Variants in CDK5RAP1 observed in about 807,000 individuals in gnomAD.
CDK5RAP1 encodes the protein mitochondrial tRNA methylthiotransferase CDK5RAP1.
CDK5RAP1 carries 62 observed loss-of-function variants against 64.5 expected under a neutral mutation model. The ratio of observed to expected loss-of-function variants is 0.96; its 90% CI spans 0.78 to 1.19. The LOEUF (loss-of-function observed/expected upper bound fraction) is 1.19. Ranked by LOEUF, CDK5RAP1 falls within the 50% of genes most tolerant of loss-of-function variation. The pLI, the probability that CDK5RAP1 is intolerant of heterozygous loss-of-function variation, is 0.00. For missense variants in CDK5RAP1, 657 were observed against 735.0 expected (o/e 0.89, Z 1.23); for synonymous variants, 250 against 261.9 (o/e 0.95, Z 0.44).
rs200366840 is a variant in CDK5RAP1, at chr20:33,397,059, G to A, written c.6C>T (p.His2=). 1.9e-6 allele frequency: 3 copies of A among 1,604,408 alleles called. No homozygotes were observed. The highest frequency in any genetic ancestry group is 2.6e-6 in the Non-Finnish European group (3 of 1,175,148). M[H]PLQCVLQVQR... ...GCACTTGGAGGACACACTGTAAAGGGTGCATGGCACTAAACAGCCCACAGT... is the reference window on the plus strand; with the variant it reads ...GCACTTGGAGGACACACTGTAAAGGATGCATGGCACTAAACAGCCCACAGT... Residue 2 remains histidine (H), a synonymous_variant, in exon 2 of 14, where the codon CAC becomes CAT. Coordinates refer to ENST00000346416, the MANE Select transcript of CDK5RAP1 (RefSeq NM_016408.4).
intron 12 of CDK5RAP1, among the ~76,000 whole-genome samples, chr20:33,362,741 T>C (rs917575807): frequency 2.0e-5 from 3 of 152,152 alleles, no homozygotes; most frequent in African/African-American, 7.2e-5. Context: ...TCTTACATTA[T>C]ATACACTGAG....
At chr20:33,369,161 G>C (rs953681238) in intron 11 of CDK5RAP1, among the ~76,000 whole-genome samples, 1 of 151,650 alleles carries the variant, frequency 6.6e-6, no homozygotes, top group African/African-American at 2.4e-5. Flanking sequence ...AATTTCTCTG[G>C]CATATTTGTG....
rs372106598 is a variant in CDK5RAP1 at position 33,394,998 on chromosome 20, A to G, written c.408+15T>C. The stretch of plus-strand genomic sequence containing the variant: ...CCCAGGTCCAGGAAACAAAGGAAAT[A>G]GGAAATGCATGTACCTCTTGGAGGT... On this transcript the variant is annotated intron_variant, in intron 3 of 13. Coordinates refer to ENST00000346416, the MANE Select transcript of CDK5RAP1 (RefSeq NM_016408.4). 192 of 1,459,010 alleles carry G rather than the reference A, an allele frequency of 1.3e-4. No homozygotes were observed. The highest frequency in any genetic ancestry group is 1.7e-4 in the Non-Finnish European group (178 of 1,038,286). 90.4% of individuals were successfully genotyped at this position (1,459,010 alleles called of 1,614,324 possible).
At chr20:33,377,475 T>C (rs1986155011) in intron 8 of CDK5RAP1, among the ~76,000 whole-genome samples, 1 of 152,200 alleles carries the variant, frequency 6.6e-6, no homozygotes, top group East Asian at 1.9e-4. Flanking sequence ...CTTCAAACTT[T>C]TCTTCTTCAG....
In CDK5RAP1 at chr20:33,360,416, T is replaced by A; in HGVS notation, c.1618A>T (p.Met540Leu). The change falls in exon 13 of 14, where the codon ATG becomes TTG. Residue 540 changes from methionine (M) to leucine (L), a missense_variant. Transcript: ENST00000346416. ...NLKVIFPDAE[M>L]EDVNNPGLRV... ...AGCCCAGGGTTATTGACATCCTCCA[T>A]CTCTGCATCAGGGAAGATCACCTTA... 2 of 1,613,936 alleles carry A rather than the reference T, an allele frequency of 1.2e-6. No homozygotes were observed. The highest frequency in any genetic ancestry group is 1.7e-6 in the Non-Finnish European group (2 of 1,179,870).
intron 4 of CDK5RAP1, among the ~76,000 whole-genome samples, chr20:33,393,145 T>C (rs1988512829): frequency 6.6e-6 from 1 of 152,140 alleles, no homozygotes; most frequent in Non-Finnish European, 1.5e-5. Flanking sequence ...CCCAAAGCGC[T>C]GGGATTACAG....
rs896628197 is a variant in CDK5RAP1, at chr20:33,385,541, T to C, written c.876+109A>G. The C allele has an allele frequency of 7.6e-5, 98 of 1,292,354 alleles. No individual in the cohort carries two copies. The Admixed American group carries it at 2.0e-3, about 27-fold the overall frequency. 80.1% of individuals were successfully genotyped at this position (1,292,354 alleles called of 1,614,324 possible). A position where few individuals can be genotyped will look rare whatever the true frequency, so the allele number is the denominator to read the frequency against. ...AAAAGTAGTTCTTTCTGGCCAGGCA[T>C]GGTCCTAAACTTTAATAAGTCAGAG... is the stretch of plus-strand genomic sequence containing the variant. On this transcript the variant is annotated intron_variant, in intron 7 of 13. Transcript: ENST00000346416.
chr20:33,360,384 G>C lies in CDK5RAP1; in HGVS notation c.1650C>G (p.Val550=), dbSNP rs561736655. 6 of 1,614,084 alleles carry C rather than the reference G, an allele frequency of 3.7e-6. No individual in the cohort carries two copies. In the Admixed American group the frequency reaches 1.0e-4, roughly 27 times the overall value. Residue 550 remains valine, a synonymous_variant, in exon 13 of 14, where the codon GTC becomes GTG. Coordinates refer to ENST00000346416, the MANE Select transcript of CDK5RAP1 (RefSeq NM_016408.4). ...MEDVNNPGLR[V]RAQPGDYVLV... ...GCACATAGTCCCCAGGCTGGGCTCTGACCCTGAGCCCAGGGTTATTGACAT... is the reference window on the plus strand; with the variant it reads ...GCACATAGTCCCCAGGCTGGGCTCTCACCCTGAGCCCAGGGTTATTGACAT...
chr20:33,392,860 T>C (rs1432520562), intron 4 of CDK5RAP1, among the ~76,000 whole-genome samples: 1 of 151,656 alleles, frequency 6.6e-6, no homozygotes, highest in Non-Finnish European at 1.5e-5. Flanking sequence ...TTTAACTAGA[T>C]TTTTCCCTAT....
intron 4 of CDK5RAP1, among the ~76,000 whole-genome samples, chr20:33,393,626 G>A (rs184110): frequency 0.6 from 90,732 of 151,818 alleles, 27,945 homozygotes; most frequent in South Asian, 0.68. Context: ...CACCTCTGAT[G>A]GGAGTCACCC....
In CDK5RAP1 at chr20:33,374,161, G is replaced by A. The variant is rs954293212; in HGVS notation, c.1159C>T (p.Pro387Ser). 3.2e-5 allele frequency: 52 copies of A among 1,614,012 alleles called. No individual in the cohort carries two copies. Among genetic ancestry groups the A allele is most frequent in the Middle Eastern group, 1.7e-4 (1 of 6,058 alleles). The change falls in exon 9 of 14, where the codon CCA becomes TCA. Residue 387 changes from proline to serine, a missense_variant. Transcript: ENST00000346416. ...ACACGGCTGCTTCCACTCTGGGCTGGCAGGTGGATCTGTTTACAGATGTTA... is the reference window on the plus strand; with the variant it reads ...ACACGGCTGCTTCCACTCTGGGCTGACAGGTGGATCTGTTTACAGATGTTA... ...RDNICKQIHL[P>S]AQSGSSRVLE...
At chr20:33,366,233 T>C (rs908674119) in intron 12 of CDK5RAP1, among the ~76,000 whole-genome samples, 12 of 145,958 alleles carry the variant, frequency 8.2e-5, no homozygotes, top group Non-Finnish European at 1.8e-4. Flanking sequence ...GCAGGAGAAT[T>C]GCTTGAGCCT....
At chr20:33,371,601 A>T (rs1985029017) in intron 10 of CDK5RAP1, among the ~76,000 whole-genome samples, 1 of 152,188 alleles carries the variant, frequency 6.6e-6, no homozygotes, top group African/African-American at 2.4e-5. Flanking sequence ...CAGCCTGGAC[A>T]ACATGGTGAA....
intron 7 of CDK5RAP1, among the ~76,000 whole-genome samples, chr20:33,381,993 T>C (rs1456633713): frequency 6.6e-6 from 1 of 152,122 alleles, no homozygotes; most frequent in African/African-American, 2.4e-5. Context: ...CCAATATTAA[T>C]CTCTTAGTTT....
chr20:33,369,949 T>G (rs1421617256), intron 11 of CDK5RAP1, among the ~76,000 whole-genome samples: 1 of 152,088 alleles, frequency 6.6e-6, no homozygotes, highest in East Asian at 1.9e-4. Flanking sequence ...ATGCCTACAA[T>G]CAAGAAAATG....
chr20:33,385,448 C>A (rs1261687414), intron 7 of CDK5RAP1, among the ~76,000 whole-genome samples: 4 of 152,216 alleles, frequency 2.6e-5, no homozygotes, highest in Non-Finnish European at 5.9e-5. Context: ...CTCATGCCCT[C>A]TCCATCCACC....
At chr20:33,367,690 A>G (rs1408455753) in intron 11 of CDK5RAP1, among the ~76,000 whole-genome samples, 1 of 152,230 alleles carries the variant, frequency 6.6e-6, no homozygotes, top group Non-Finnish European at 1.5e-5. Context: ...TAACCTTTTG[A>G]ATTTTATTCA....
At chr20:33,368,780 A>C (rs1473882526) in intron 11 of CDK5RAP1, among the ~76,000 whole-genome samples, 1 of 151,994 alleles carries the variant, frequency 6.6e-6, no homozygotes, top group Non-Finnish European at 1.5e-5. Flanking sequence ...CTGAGGCAGG[A>C]GAAAAACTTG....
intron 7 of CDK5RAP1, among the ~76,000 whole-genome samples, chr20:33,383,145 C>T (rs1051842125): frequency 6.6e-6 from 1 of 151,974 alleles, no homozygotes; most frequent in Non-Finnish European, 1.5e-5. Flanking sequence ...TGTGCCATTG[C>T]ACTCCAGCCT....
Sources: gnomAD v4.1 joint callset for allele counts (sites outside exome capture counted in the v4.1 genomes callset) on GRCh38, gnomAD v4.1.1 for gene constraint, MANE v1.5 for transcripts, NCBI Gene and HGNC (gene_info 2026-07-23, HGNC 2026-07-21) for gene names.